ACAP2: variants seen among roughly 807,000 people sequenced by gnomAD.
The protein encoded by ACAP2 is ArfGAP with coiled-coil, ankyrin repeat and PH domains 2.
In ACAP2, 39 loss-of-function variants were observed where a neutral mutation model predicts 115.8. That is an observed-to-expected ratio of 0.34 (90% CI 0.26 to 0.44). The LOEUF (loss-of-function observed/expected upper bound fraction) is 0.44. Among genes scored for constraint, ACAP2 ranks in the 20% least tolerant of loss-of-function variants. The pLI is 1.00. For synonymous variants in ACAP2, 289 were observed against 315.8 expected, an observed-to-expected ratio of 0.92 and a Z score of 0.90; for missense variants, 662 against 927.6, an observed-to-expected ratio of 0.71 and a Z score of 3.72.
At chr3:195,398,355 T>A (rs1022909882) in intron 1 of ACAP2, among the ~76,000 whole-genome samples, 6 of 152,062 alleles carry the variant, frequency 3.9e-5, no homozygotes, top group Non-Finnish European at 8.8e-5. Flanking sequence ...TTTATAAATA[T>A]CTCCACTGGC....
chr3:195,306,230 A>C (rs1354765356), intron 13 of ACAP2, among the ~76,000 whole-genome samples: 2 of 152,186 alleles, frequency 1.3e-5, no homozygotes, highest in African/African-American at 4.8e-5. Flanking sequence ...CTAAAATGGC[A>C]CAATACTTTT....
chr3:195,413,089 T>C (rs1159507029), intron 1 of ACAP2, among the ~76,000 whole-genome samples: 2 of 152,208 alleles, frequency 1.3e-5, no homozygotes, highest in African/African-American at 2.4e-5. Flanking sequence ...GTGATTTTTG[T>C]CATATTCCAC....
At chr3:195,374,595 A>G (rs1415323483) in intron 4 of ACAP2, among the ~76,000 whole-genome samples, 1 of 152,246 alleles carries the variant, frequency 6.6e-6, no homozygotes, top group Non-Finnish European at 1.5e-5. Flanking sequence ...GCCTTTTGCT[A>G]ATATGCCTAT....
At chr3:195,289,285 T>C in intron 20 of ACAP2, 54 bp from the exon 21 acceptor site, 1 of 1,272,158 alleles carries the variant, frequency 7.9e-7, no homozygotes, top group Non-Finnish European at 1.1e-6. Context: ...AAAAAATTAG[T>C]ATTCACCTTA....
rs76793616 is a variant in ACAP2, at chr3:195,289,370, C to T, written c.2064-139G>A. On this transcript the variant is annotated intron_variant, in intron 20 of 22. Transcript: ENST00000326793. ...TCATTCTACAAATATTAACTGAACA[C>T]TAACTCTACTAACAAAAACTTACCA... 8.1e-3 allele frequency: 5,373 copies of T among 660,086 alleles called. 192 individuals are homozygous for T. In the African/African-American group the frequency reaches 0.082, roughly 10 times the overall value. The allele number at this position is 660,086 out of a possible 1,614,324, so 40.9% of individuals were successfully genotyped here. A position where few individuals can be genotyped will look rare whatever the true frequency, so the allele number is the denominator to read the frequency against.
chr3:195,416,487 C>T (rs4677842), intron 1 of ACAP2, among the ~76,000 whole-genome samples: 36,427 of 151,878 alleles, frequency 0.24, 5,101 homozygotes, highest in East Asian at 0.71. Flanking sequence ...AAACATACAC[C>T]ATCTCCTATA....
rs1044393243 is a variant in ACAP2 at position 195,289,113 on chromosome 3, G to T, written c.2174+8C>A. On this transcript the variant is annotated splice_region_variant and intron_variant, in intron 21 of 22. Coordinates refer to ENST00000326793, the MANE Select transcript of ACAP2 (RefSeq NM_012287.6). The stretch of plus-strand genomic sequence containing the variant: ...ATGGAAATAGTCAAGTAAAAAGGAA[G>T]TACTTACAAGGTGACTATATCAGCA... 5.6e-6 allele frequency: 9 copies of T among 1,594,412 alleles called. No homozygotes were observed. The highest frequency in any genetic ancestry group is 5.4e-5 in the Admixed American group (3 of 55,856).
chr3:195,279,939 A>G (rs918412248), intron 22 of ACAP2: 1 of 152,302 alleles, frequency 6.6e-6, no homozygotes, highest in African/African-American at 2.4e-5. Flanking sequence ...GCAATTTGAA[A>G]AAGTAATTTT....
At chr3:195,406,819 T>C (rs1712811376) in intron 1 of ACAP2, among the ~76,000 whole-genome samples, 1 of 152,234 alleles carries the variant, frequency 6.6e-6, no homozygotes, top group Non-Finnish European at 1.5e-5. Context: ...AACTCGTAAG[T>C]ATACACTTCC....
chr3:195,386,136 A>C (rs1178706330), intron 2 of ACAP2, among the ~76,000 whole-genome samples: 3 of 152,246 alleles, frequency 2.0e-5, no homozygotes, highest in Non-Finnish European at 2.9e-5. Flanking sequence ...AGCTAGTCAC[A>C]TAAGACCAAA....
chr3:195,437,172 G>C (rs1315314013), intron 1 of ACAP2, among the ~76,000 whole-genome samples: 1 of 151,886 alleles, frequency 6.6e-6, no homozygotes, highest in Admixed American at 6.6e-5. Context: ...TCAGCCTCCT[G>C]AGTAGCTGGG....
At chr3:195,302,361 T>A (rs1336811506) in intron 13 of ACAP2, among the ~76,000 whole-genome samples, 187 bp from the exon 14 acceptor site, 5 of 152,226 alleles carry the variant, frequency 3.3e-5, no homozygotes, top group African/African-American at 9.6e-5. Flanking sequence ...AGTGAGCTTT[T>A]ATTCCAGTGG....
intron 20 of ACAP2, 152 bp from the exon 21 acceptor site, chr3:195,289,383 C>A: frequency 1.5e-6 from 1 of 645,166 alleles, no homozygotes; most frequent in Non-Finnish European, 2.7e-6. Flanking sequence ...ACTCTACTAA[C>A]AAAAACTTAC....
At chr3:195,361,206 A>C (rs1269727165) in intron 4 of ACAP2, among the ~76,000 whole-genome samples, 1 of 152,136 alleles carries the variant, frequency 6.6e-6, no homozygotes, top group East Asian at 1.9e-4. Flanking sequence ...AGGCCAAGAC[A>C]GGCAGATCAC....
intron 5 of ACAP2, among the ~76,000 whole-genome samples, chr3:195,343,371 C>T (rs1273768507): frequency 3.3e-5 from 5 of 152,152 alleles, no homozygotes; most frequent in African/African-American, 1.2e-4. Flanking sequence ...CTTTAGCCCT[C>T]GAGAAAAATC....
chr3:195,350,279 A>G (rs577711217), intron 4 of ACAP2, among the ~76,000 whole-genome samples: 4 of 152,194 alleles, frequency 2.6e-5, no homozygotes, highest in Non-Finnish European at 4.4e-5. Context: ...ACTTTGAAAA[A>G]GAGGAAAAGA....
intron 2 of ACAP2, 44 bp downstream of exon 2, chr3:195,392,046 C>A (rs764330046): frequency 6.6e-7 from 1 of 1,509,798 alleles, no homozygotes; most frequent in African/African-American, 1.4e-5. Flanking sequence ...TTATTTACAG[C>A]AAACGAGAAT....
At chr3:195,337,727 G>A (rs768382773) in intron 6 of ACAP2, among the ~76,000 whole-genome samples, 9 of 152,118 alleles carry the variant, frequency 5.9e-5, no homozygotes, top group African/African-American at 1.7e-4. Context: ...AACTACAGGC[G>A]TGAGCCACTG....
intron 10 of ACAP2, among the ~76,000 whole-genome samples, chr3:195,318,769 C>T (rs922563861): frequency 6.6e-6 from 1 of 152,190 alleles, no homozygotes; most frequent in Non-Finnish European, 1.5e-5. Flanking sequence ...GGAAAATTTG[C>T]AGCCTGACCA....
Sources: allele counts gnomAD v4.1 joint callset (sites outside exome capture counted in the v4.1 genomes callset), GRCh38; gene constraint gnomAD v4.1.1; transcripts MANE v1.5; gene names NCBI Gene and HGNC (gene_info 2026-07-23, HGNC 2026-07-21).